The following NRP1 variants were observed in gnomAD, a reference collection of about 807,000 sequenced individuals.
NRP1 encodes neuropilin-1.
A neutral mutation model predicts 106.7 loss-of-function variants in NRP1; 35 were observed. That is an observed-to-expected ratio of 0.33 (90% confidence interval 0.25 to 0.43). NRP1 has a LOEUF of 0.43. NRP1 is among the 20% of genes least tolerant of loss of function. The pLI is 1.00. For missense variants in NRP1, 1,024 were observed against 1,170.4 expected, an observed-to-expected ratio of 0.87 and a Z score of 1.83; for synonymous variants, 437 against 417.9, an observed-to-expected ratio of 1.05 and a Z score of -0.56.
At chr10:33,331,350 A>G (rs1039349757) in intron 1 of NRP1, among the ~76,000 whole-genome samples, 3 of 152,062 alleles carry the variant, frequency 2.0e-5, no homozygotes, top group African/African-American at 7.2e-5. Flanking sequence ...ATCAGTGGGG[A>G]TTGTCTTTGA....
intron 5 of NRP1, 32 bp from the exon 6 acceptor site, chr10:33,254,226 A>G: frequency 6.4e-7 from 1 of 1,561,914 alleles, no homozygotes; most frequent in South Asian, 1.2e-5. Flanking sequence ...ACAGTCATCA[A>G]AATATAGGGG....
At chr10:33,271,771 C>T (rs887020527) in intron 2 of NRP1, among the ~76,000 whole-genome samples, 1 of 152,180 alleles carries the variant, frequency 6.6e-6, no homozygotes, top group Non-Finnish European at 1.5e-5. Flanking sequence ...ATCACCAATA[C>T]ACTAGTGTCC....
At chr10:33,215,395 A>G (rs1409139220) in intron 8 of NRP1, among the ~76,000 whole-genome samples, 3 of 152,206 alleles carry the variant, frequency 2.0e-5, no homozygotes, top group Non-Finnish European at 4.4e-5. Flanking sequence ...CAGCTAGATT[A>G]TAAGATCTTC....
chr10:33,334,158 TTTC>T (rs1221367354), intron 1 of NRP1, 149 bp downstream of exon 1: 2 of 685,986 alleles, frequency 2.9e-6, no homozygotes, highest in South Asian at 3.7e-5. Flanking sequence ...CCTGATCTCA[TTTC>T]TTCTTCTCTC....
chr10:33,318,933 G>C (rs1291886871), intron 2 of NRP1, among the ~76,000 whole-genome samples: 1 of 151,418 alleles, frequency 6.6e-6, no homozygotes, highest in African/African-American at 2.4e-5. Flanking sequence ...GATCATGGAA[G>C]AGGGTGAGAG....
At chr10:33,242,189 T>C (rs942219157) in intron 6 of NRP1, among the ~76,000 whole-genome samples, 1 of 152,186 alleles carries the variant, frequency 6.6e-6, no homozygotes, top group African/African-American at 2.4e-5. Flanking sequence ...TCATGTAAGA[T>C]GCTCAATAAA....
chr10:33,206,378 A>G (rs2474715), intron 10 of NRP1: 244,698 of 513,626 alleles, frequency 0.48, 59,523 homozygotes, highest in East Asian at 0.75. Context: ...GGTTTGGGAC[A>G]TGACTACAGA....
chr10:33,194,291 T>C (rs1250498899), intron 12 of NRP1: 1 of 157,654 alleles, frequency 6.3e-6, no homozygotes, highest in Non-Finnish European at 1.4e-5. Context: ...TTAATGTGTG[T>C]GTGGTTTTGA....
intron 9 of NRP1, 101 bp downstream of exon 9, chr10:33,213,285 G>A: frequency 1.2e-6 from 2 of 1,613,578 alleles, no homozygotes; most frequent in Non-Finnish European, 1.7e-6. Context: ...TAATGTCATG[G>A]CTGGAAGGAA....
intron 3 of NRP1, among the ~76,000 whole-genome samples, chr10:33,265,396 T>A (rs182874298): frequency 6.6e-6 from 1 of 152,206 alleles, no homozygotes; most frequent in South Asian, 2.1e-4. Flanking sequence ...AAGGATTCAA[T>A]TCTAAATAAG....
At chr10:33,305,407 T>A (rs1318772762) in intron 2 of NRP1, among the ~76,000 whole-genome samples, 1 of 152,132 alleles carries the variant, frequency 6.6e-6, no homozygotes, top group African/African-American at 2.4e-5. Context: ...CCCCTGAAGG[T>A]CTAGCTGCAA....
chr10:33,278,966 C>G (rs893485332), intron 2 of NRP1, among the ~76,000 whole-genome samples: 2 of 151,920 alleles, frequency 1.3e-5, no homozygotes, highest in Non-Finnish European at 2.9e-5. Context: ...GAAGAAAAAA[C>G]AAAATATCAA....
In NRP1 at chr10:33,201,097, CTG is replaced by C. The variant is rs954715297; in HGVS notation, c.1864+1792_1864+1793del. ...ATCTACCAAAGAAATAATTGAAACA[CTG>C]TAGGTAAAGCAAAACCTTATAGTTT... On this transcript the variant is annotated intron_variant, in intron 11 of 16. Coordinates refer to ENST00000374867, the MANE Select transcript of NRP1 (RefSeq NM_003873.7). 92 of 152,260 alleles carry C rather than the reference CTG, an allele frequency of 6.0e-4. 1 individual carries two copies. Among genetic ancestry groups the C allele is most frequent in the African/African-American group, 2.1e-3 (87 of 41,530 alleles). 9.4% of individuals were successfully genotyped at this position (152,260 alleles called of 1,614,324 possible).
At position 33,202,567 on chromosome 10, in the gene NRP1, T is replaced by TGGGG. The variant is rs72236242; in HGVS notation, c.1864+320_1864+323dup. 6.8e-6 allele frequency: 9 copies of TGGGG among 1,318,282 alleles called. No homozygotes were observed. In the East Asian group the frequency reaches 1.7e-4, roughly 24 times the overall value. The allele number at this position is 1,318,282 out of a possible 1,614,324, so 81.7% of individuals were successfully genotyped here. On this transcript the variant is annotated intron_variant, in intron 11 of 16. Coordinates refer to ENST00000374867, the MANE Select transcript of NRP1 (RefSeq NM_003873.7). The stretch of plus-strand genomic sequence containing the variant: ...TACGTAGGGGTGGTGCACGTGTTAT[T>TGGGG]GGGGGGGGGTCTGAAAATAATGAAA...
chr10:33,213,776 G>GAAATA lies in NRP1; in HGVS notation c.1283-64_1283-60dup, dbSNP rs1434627135. ...GATTTCCTGGGCGACTCCATGCTAAGAAATAAAATACAACATATGGAATAA... is the reference window on the plus strand; with the variant it reads ...GATTTCCTGGGCGACTCCATGCTAAGAAATAAAATAAAATACAACATATGGAATAA... On this transcript the variant is annotated intron_variant, in intron 8 of 16. Transcript: ENST00000374867. 4.0e-6 allele frequency: 5 copies of GAAATA among 1,251,622 alleles called. No individual in the cohort carries two copies. The African/African-American group carries it at 7.5e-5, about 19-fold the overall frequency. 77.5% of individuals were successfully genotyped at this position (1,251,622 alleles called of 1,614,324 possible). A position where few individuals can be genotyped will look rare whatever the true frequency, so the allele number is the denominator to read the frequency against.
intron 2 of NRP1, among the ~76,000 whole-genome samples, chr10:33,286,846 C>A (rs1844605450): frequency 6.6e-6 from 1 of 152,026 alleles, no homozygotes; most frequent in Non-Finnish European, 1.5e-5. Flanking sequence ...ATCTTATAGT[C>A]CATTTAACAT....
chr10:33,254,807 G>A (rs754358183), intron 5 of NRP1, among the ~76,000 whole-genome samples: 3 of 152,044 alleles, frequency 2.0e-5, no homozygotes, highest in South Asian at 2.1e-4. Flanking sequence ...ACTGTCACAC[G>A]GCCCCAAAGC....
chr10:33,266,753 GT>G (rs1842944521), intron 3 of NRP1, among the ~76,000 whole-genome samples: 1 of 152,174 alleles, frequency 6.6e-6, no homozygotes, highest in Admixed American at 6.5e-5. Context: ...CTCATGAATA[GT>G]TTAGCACTAT....
At chr10:33,289,401 G>A (rs567487770) in intron 2 of NRP1, among the ~76,000 whole-genome samples, 1 of 152,204 alleles carries the variant, frequency 6.6e-6, no homozygotes, top group Admixed American at 6.5e-5. Flanking sequence ...TAAATCCCTA[G>A]GTGCTTATAT....
Sources: allele counts gnomAD v4.1 joint callset (sites outside exome capture counted in the v4.1 genomes callset), GRCh38; gene constraint gnomAD v4.1.1; transcripts MANE v1.5; gene names NCBI Gene and HGNC (gene_info 2026-07-23, HGNC 2026-07-21).